The following CPEB1 variants were observed in gnomAD, a reference collection of about 807,000 sequenced individuals.
The protein encoded by CPEB1 is cytoplasmic polyadenylation element-binding protein 1.
Under a neutral mutation model 65.8 loss-of-function variants are expected in CPEB1, and 7 were observed. The ratio of observed to expected loss-of-function variants is 0.11; its 90% confidence interval spans 0.06 to 0.20. The LOEUF (loss-of-function observed/expected upper bound fraction) is 0.20. Among genes scored for constraint, CPEB1 ranks in the 10% least tolerant of loss-of-function variants. The pLI is 1.00. For synonymous variants in CPEB1, 262 were observed against 260.0 expected (o/e 1.01, Z -0.08); for missense variants, 551 against 712.2 (o/e 0.77, Z 2.58).
At chr15:82,647,852 T>C, upstream of CPEB1, 1 of 1,271,838 alleles carries the variant, frequency 7.9e-7, no homozygotes, top group South Asian at 2.7e-5. Context: ...CGGGTGGCTC[T>C]TACCAGCGGG....
chr15:82,579,747 C>T (rs2151092181), intron 3 of CPEB1, among the ~76,000 whole-genome samples: 1 of 149,920 alleles, frequency 6.7e-6, no homozygotes, highest in South Asian at 2.1e-4. Flanking sequence ...CCCGTCTCTA[C>T]TAAAAATACA....
chr15:82,604,975 GA>G (rs1286793249), intron 3 of CPEB1, among the ~76,000 whole-genome samples: 1 of 152,160 alleles, frequency 6.6e-6, no homozygotes, highest in Non-Finnish European at 1.5e-5. Flanking sequence ...CGGAGACATA[GA>G]AAGGGCAAAA....
chr15:82,629,302 G>C, intron 1 of CPEB1: 2 of 984,834 alleles, frequency 2.0e-6, no homozygotes, highest in Non-Finnish European at 2.4e-6. Context: ...ACTAATTATT[G>C]AATACAAGAG....
intron 3 of CPEB1, among the ~76,000 whole-genome samples, chr15:82,604,794 C>T (rs536466537): frequency 6.6e-6 from 1 of 151,990 alleles, no homozygotes; most frequent in Non-Finnish European, 1.5e-5. Flanking sequence ...TACCAAGATA[C>T]ACATATTAGA....
chr15:82,646,719 T>C lies in CPEB1; in HGVS notation c.-98+418A>G, dbSNP rs373274412. On this transcript the variant is annotated intron_variant, in intron 1 of 12. Transcript: ENST00000684509. ...AGCCTTCTGGTCTCCCTGGGTCCTC[T>C]AGGAATGAGGCAGCAAAGCCTCGGT... Among the ~76,000 whole-genome samples the C allele has an allele frequency of 1.3e-4, 20 of 152,216 alleles. No individual in the cohort carries two copies. In the East Asian group the frequency reaches 2.9e-3, roughly 22 times the overall value.
intron 1 of CPEB1, among the ~76,000 whole-genome samples, chr15:82,634,749 T>C (rs1165524605): frequency 7.4e-6 from 1 of 135,670 alleles, no homozygotes; most frequent in Non-Finnish European, 1.6e-5. Flanking sequence ...AATGCATTGG[T>C]CTTGAACATT....
intron 6 of CPEB1, among the ~76,000 whole-genome samples, chr15:82,555,179 A>G (rs79474527): frequency 7.7e-5 from 8 of 103,660 alleles, no homozygotes; most frequent in Admixed American, 4.4e-4. Context: ...AGGATAATTT[A>G]TTTTTTAAAC....
In CPEB1 at chr15:82,552,630, G is replaced by T; in HGVS notation, c.1145-14C>A. Reference sequence around the variant, plus strand: ...GATACACATACCCTATTCCCAATGAGAGGAAAAATCGCATTAATATCCCTT... The same window carrying T: ...GATACACATACCCTATTCCCAATGATAGGAAAAATCGCATTAATATCCCTT... On this transcript the variant is annotated splice_polypyrimidine_tract_variant and intron_variant, in intron 8 of 12. Transcript: ENST00000684509. The T allele has an allele frequency of 6.2e-7, 1 of 1,613,804 alleles. No individual in the cohort carries two copies. Among genetic ancestry groups the T allele is most frequent in the Non-Finnish European group, 8.5e-7 (1 of 1,179,786 alleles).
At chr15:82,609,420 G>C (rs780673716) in intron 3 of CPEB1, among the ~76,000 whole-genome samples, 1 of 151,938 alleles carries the variant, frequency 6.6e-6, no homozygotes, top group African/African-American at 2.4e-5. Context: ...AGGATTGTTT[G>C]AGCCTGGGAG....
intron 1 of CPEB1, among the ~76,000 whole-genome samples, chr15:82,645,795 G>T (rs1165803335): frequency 1.3e-5 from 2 of 152,054 alleles, no homozygotes; most frequent in Non-Finnish European, 2.9e-5. Flanking sequence ...TTGAACCCGG[G>T]AGGCGGAGGC....
At chr15:82,576,085 G>C (rs1317599535) in intron 3 of CPEB1, among the ~76,000 whole-genome samples, 1 of 152,106 alleles carries the variant, frequency 6.6e-6, no homozygotes, top group Non-Finnish European at 1.5e-5. Flanking sequence ...GTCCATGTGA[G>C]AATCAACAGA....
intron 1 of CPEB1, among the ~76,000 whole-genome samples, chr15:82,634,059 T>C (rs1370680910): frequency 6.6e-6 from 1 of 152,166 alleles, no homozygotes; most frequent in Non-Finnish European, 1.5e-5. Flanking sequence ...ATACTTTTAG[T>C]GGCAGATGTC....
intron 1 of CPEB1, among the ~76,000 whole-genome samples, chr15:82,631,658 A>T (rs2046256721): frequency 6.6e-6 from 1 of 152,200 alleles, no homozygotes; most frequent in Non-Finnish European, 1.5e-5. Context: ...GGAAGGATCT[A>T]TTGGCTCATT....
At chr15:82,613,872 C>A (rs533024120) in intron 3 of CPEB1, among the ~76,000 whole-genome samples, 2 of 152,090 alleles carry the variant, frequency 1.3e-5, no homozygotes, top group Non-Finnish European at 2.9e-5. Context: ...CCGCTCCCCC[C>A]TCAATGCCCC....
intron 5 of CPEB1, 144 bp from the exon 6 acceptor site, chr15:82,556,266 G>C: frequency 1.1e-6 from 1 of 927,684 alleles, no homozygotes; most frequent in South Asian, 2.1e-5. Flanking sequence ...GAGCAATTTT[G>C]ATTAGTTCTA....
chr15:82,558,963 T>C (rs954420806), intron 4 of CPEB1, among the ~76,000 whole-genome samples: 12 of 152,066 alleles, frequency 7.9e-5, no homozygotes, highest in Admixed American at 1.3e-4. Context: ...GTTTTTTTTT[T>C]TTTTCATCTG....
chr15:82,639,587 T>C (rs1225315001), intron 1 of CPEB1, among the ~76,000 whole-genome samples: 1 of 152,122 alleles, frequency 6.6e-6, no homozygotes, highest in African/African-American at 2.4e-5. Flanking sequence ...TAGATGTGGA[T>C]ATATGTATTT....
At chr15:82,583,026 A>G (rs1208880775) in intron 3 of CPEB1, among the ~76,000 whole-genome samples, 1 of 151,918 alleles carries the variant, frequency 6.6e-6, no homozygotes, top group Non-Finnish European at 1.5e-5. Context: ...TTTAATTCTT[A>G]ACACTAACTC....
Position 82,584,887 on chromosome 15 carries a change from T to G in CPEB1, c.272-13355A>C, listed in dbSNP as rs1309352593. Reference sequence around the variant, plus strand: ...TTCTCAGTAGTAAGATGACATAATTTTTTTTTCCTAATTTGCTTTTTTTTT... The same window carrying G: ...TTCTCAGTAGTAAGATGACATAATTGTTTTTTCCTAATTTGCTTTTTTTTT... On this transcript the variant is annotated intron_variant, in intron 3 of 12. Coordinates refer to ENST00000684509, the MANE Select transcript of CPEB1 (RefSeq NM_001365242.1). Among the ~76,000 whole-genome samples the G allele has an allele frequency of 4.7e-5, 6 of 127,246 alleles. No homozygotes were observed. The South Asian group carries it at 1.2e-3, about 26-fold the overall frequency. 83.5% of individuals were successfully genotyped at this position (127,246 alleles called of 152,430 possible). A position where few individuals can be genotyped will look rare whatever the true frequency, so the allele number is the denominator to read the frequency against.
Sources: gnomAD v4.1 joint callset for allele counts (sites outside exome capture counted in the v4.1 genomes callset) on GRCh38, gnomAD v4.1.1 for gene constraint, MANE v1.5 for transcripts, NCBI Gene and HGNC (gene_info 2026-07-23, HGNC 2026-07-21) for gene names.